ADAR: variants seen among roughly 807,000 people sequenced by gnomAD.
ADAR encodes double-stranded RNA-specific adenosine deaminase.
ADAR carries 41 observed loss-of-function variants against 113.2 expected under a neutral mutation model. The observed-to-expected ratio is 0.36, with a 90% confidence interval of 0.28 to 0.47. The LOEUF is 0.47. Among genes scored for constraint, ADAR ranks in the 20% least tolerant of loss-of-function variants. The pLI is 1.00. For missense variants in ADAR, 1,242 were observed against 1,540.9 expected, an observed-to-expected ratio of 0.81 and a Z score of 3.25; for synonymous variants, 605 against 572.6, an observed-to-expected ratio of 1.06 and a Z score of -0.81.
Position 154,598,572 on chromosome 1 carries a change from C to T in ADAR, c.1615G>A (p.Val539Ile). The change falls in exon 3 of 15, where the codon GTT (valine) becomes ATT (isoleucine). Residue 539 changes from valine (V) to isoleucine (I), a missense_variant. This residue lies in a region of ADAR where 780 missense variants were observed against 1,057.9 expected (regional missense o/e 0.74). Coordinates refer to ENST00000368474, the MANE Select transcript of ADAR (RefSeq NM_001111.5). ...PPHEPRFKFQ[V>I]VINGREFPPA... is the part of the protein sequence containing the mutation. ...GGAAACTCTCGGCCATTGATGACAA[C>T]CTGGAATTTAAATCTTGACGGAAAG... The T allele has an allele frequency of 1.2e-6, 2 of 1,614,186 alleles. No individual in the cohort carries two copies. The highest frequency in any genetic ancestry group is 1.6e-4 in the Middle Eastern group (1 of 6,062).
At chr1:154,585,933 G>A in intron 12 of ADAR, 68 bp from the exon 13 acceptor site, 2 of 1,434,118 alleles carry the variant, frequency 1.4e-6, no homozygotes, top group Non-Finnish European at 1.9e-6. Flanking sequence ...GCAGAAGCAT[G>A]TGGGGATTTT....
At chr1:154,624,187 A>G (rs567198798) in intron 1 of ADAR, among the ~76,000 whole-genome samples, 9 of 152,086 alleles carry the variant, frequency 5.9e-5, no homozygotes, top group African/African-American at 2.2e-4. Flanking sequence ...GGAGGAAAAA[A>G]CCTTTTTTTG....
chr1:154,596,174 C>G (rs1278779021), intron 6 of ADAR, among the ~76,000 whole-genome samples: 1 of 152,126 alleles, frequency 6.6e-6, no homozygotes, highest in Non-Finnish European at 1.5e-5. Context: ...ATATATGGGT[C>G]TAGGGAGGGA....
chr1:154,599,037 C>T (rs1470697561), intron 2 of ADAR, among the ~76,000 whole-genome samples: 1 of 152,218 alleles, frequency 6.6e-6, no homozygotes, highest in African/African-American at 2.4e-5. Flanking sequence ...CTCACACTCC[C>T]CACTACCTAG....
chr1:154,591,746 A>T (rs188241911), intron 6 of ADAR, among the ~76,000 whole-genome samples: 166 of 152,354 alleles, frequency 1.1e-3, no homozygotes, highest in South Asian at 4.1e-3. Context: ...CTCAGGCAGT[A>T]AAAGGAATCA....
In ADAR at chr1:154,586,302, G is replaced by T; in HGVS notation, c.3081C>A (p.Leu1027=). The change falls in exon 12 of 15, where the codon CTC becomes CTA. Residue 1027 remains leucine, a synonymous_variant. Transcript: ENST00000368474. The part of the protein sequence containing the change: ...DIVPTWDGIR[L]GERLRTMSCS... The stretch of plus-strand genomic sequence containing the variant: ...AGGACATGGTACGGAGTCTCTCCCC[G>T]AGCCGAATGCCATCCCACGTAGGCA... The T allele has an allele frequency of 1.9e-6, 3 of 1,614,154 alleles. No homozygotes were observed. Among genetic ancestry groups the T allele is most frequent in the Non-Finnish European group, 2.5e-6 (3 of 1,180,032 alleles).
At chr1:154,586,511 T>C (rs1696773614) in intron 11 of ADAR, 148 bp from the exon 12 acceptor site, 1 of 858,222 alleles carries the variant, frequency 1.2e-6, no homozygotes, top group Non-Finnish European at 1.9e-6. Flanking sequence ...CCAGGCACTA[T>C]GCTTGGTGCT....
chr1:154,621,222 A>T (rs924507761), intron 1 of ADAR, among the ~76,000 whole-genome samples: 2 of 152,196 alleles, frequency 1.3e-5, no homozygotes, highest in African/African-American at 4.8e-5. Context: ...TTCATCAAAT[A>T]TCTTATTAAA....
Position 154,602,276 on chromosome 1 carries a change from A to T in ADAR, c.366T>A (p.Gly122=). 1 of 1,613,928 alleles carries T rather than the reference A, an allele frequency of 6.2e-7. No homozygotes were observed. Among genetic ancestry groups the T allele is most frequent in the Non-Finnish European group, 8.5e-7 (1 of 1,179,954 alleles). Reference sequence around the variant, plus strand: ...GGAAATGTGAGGAAAGGCAATCAACACCTCTCTGTGGCAGACTCCTGCCAC... The same window carrying T: ...GGAAATGTGAGGAAAGGCAATCAACTCCTCTCTGTGGCAGACTCCTGCCAC... ...SPRGRSLPQR[G]VDCLSSHFQE... is the part of the protein sequence containing the mutation. Residue 122 remains glycine, a synonymous_variant, in exon 2 of 15, where the codon GGT becomes GGA. Coordinates refer to ENST00000368474, the MANE Select transcript of ADAR (RefSeq NM_001111.5).
At position 154,607,133 on chromosome 1, in the gene ADAR, G is replaced by C. The variant is rs190727504; in HGVS notation, c.15+859C>G. Among the ~76,000 whole-genome samples the C allele has an allele frequency of 3.4e-3, 523 of 151,732 alleles. 2 individuals carry two copies. Among genetic ancestry groups the C allele is most frequent in the African/African-American group, 0.012 (483 of 41,320 alleles). On this transcript the variant is annotated intron_variant, in intron 1 of 14. Coordinates refer to ENST00000368474, the MANE Select transcript of ADAR (RefSeq NM_001111.5). The stretch of plus-strand genomic sequence containing the variant: ...ATTTCTTCCACGATACCCAGTCCCT[G>C]GCACCCACGGATCCACTTTCCATCC...
chr1:154,613,646 T>C (rs983474108), intron 1 of ADAR, among the ~76,000 whole-genome samples: 4 of 152,218 alleles, frequency 2.6e-5, no homozygotes, highest in African/African-American at 9.6e-5. Context: ...GGCTCATGCC[T>C]GTAATCCCAG....
intron 1 of ADAR, among the ~76,000 whole-genome samples, chr1:154,607,014 G>A (rs1571127007): frequency 1.4e-5 from 2 of 145,610 alleles, no homozygotes; most frequent in African/African-American, 5.6e-5. Flanking sequence ...CCTTTTAAGT[G>A]TATAAATCTA....
In ADAR at chr1:154,601,448, AT is replaced by A; in HGVS notation, c.1193del (p.Asn398MetfsTer7). On this transcript the variant is annotated frameshift_variant, in exon 2 of 15. Transcript: ENST00000368474. LOFTEE classifies it high-confidence loss of function. This position sits in a 1 kb window ranked among gnomAD's most constrained non-coding sequence, Gnocchi z 4.7. Reference sequence around the variant, plus strand: ...CTGTGGTTACCATGTTATTTGAGGCATTTGATGTGGGTATATTACAGGTGAG... The same window carrying A: ...CTGTGGTTACCATGTTATTTGAGGCATTGATGTGGGTATATTACAGGTGAG... The part of the protein sequence containing the change: ...EFLTCNIPTS[N>X]ASNNMVTTEK... The A allele has an allele frequency of 6.2e-7, 1 of 1,614,166 alleles. No individual in the cohort carries two copies.
rs5777923 is a variant in ADAR at position 154,606,947 on chromosome 1, A to AATATAT, written c.15+1039_15+1044dup. 6.6e-3 allele frequency among the ~76,000 whole-genome samples: 974 copies of AATATAT among 148,502 alleles called. 2 individuals carry two copies. The highest frequency in any genetic ancestry group is 8.2e-3 in the Non-Finnish European group (555 of 67,392). Reference sequence around the variant, plus strand: ...TCAAAGGAGTGCTTAAAAAAAAAAAAATATATATATATCTTAACAAAATTG... The same window carrying AATATAT: ...TCAAAGGAGTGCTTAAAAAAAAAAAAATATATATATATATATATCTTAACAAAATTG... On this transcript the variant is annotated intron_variant, in intron 1 of 14. Coordinates refer to ENST00000368474, the MANE Select transcript of ADAR (RefSeq NM_001111.5).
chr1:154,592,771 T>C (rs1173588723), intron 6 of ADAR, among the ~76,000 whole-genome samples: 1 of 151,732 alleles, frequency 6.6e-6, no homozygotes, highest in Non-Finnish European at 1.5e-5. Flanking sequence ...GGGATGTTAA[T>C]CCAAACAGAG....
intron 9 of ADAR, 132 bp downstream of exon 9, chr1:154,589,237 C>T (rs1235126217): frequency 4.0e-6 from 3 of 754,752 alleles, no homozygotes; most frequent in Non-Finnish European, 7.0e-6. Flanking sequence ...GGGTGAAAAG[C>T]AAAGGCTGCC....
chr1:154,597,862 G>A lies in ADAR; in HGVS notation c.1900C>T (p.Leu634Phe), dbSNP rs1697605471. The A allele has an allele frequency of 6.2e-7, 1 of 1,614,188 alleles. No homozygotes were observed. The highest frequency in any genetic ancestry group is 1.3e-5 in the African/African-American group (1 of 75,044). ...HKLGNSCEFR[L>F]LSKEGPAHEP... ...TGGGCAGGGCCTTCTTTGGACAGGAGACGGAATTCGCAGGAGTTCCCCAAT... is the reference window on the plus strand; with the variant it reads ...TGGGCAGGGCCTTCTTTGGACAGGAAACGGAATTCGCAGGAGTTCCCCAAT... The change falls in exon 4 of 15, where the codon CTC becomes TTC. Residue 634 changes from leucine (L) to phenylalanine (F), a missense_variant. Physicochemically the swap from Leu to Phe is conservative, Grantham distance 22 (BLOSUM62 0). Around this residue, in one of 2 missense-constraint regions of ADAR, gnomAD observed 780 missense variants for 1,057.9 expected, o/e 0.74. Transcript: ENST00000368474.
At chr1:154,586,037 A>C in intron 12 of ADAR, 144 bp downstream of exon 12, 1 of 1,237,776 alleles carries the variant, frequency 8.1e-7, no homozygotes, top group East Asian at 2.5e-5. Flanking sequence ...CTACCACAGC[A>C]GACTGGACAC....
At position 154,601,491 on chromosome 1, in the gene ADAR, T is replaced by C. The variant is rs2229857; in HGVS notation, c.1151A>G (p.Lys384Arg). The change falls in exon 2 of 15, where the codon AAA becomes AGA. Residue 384 changes from lysine to arginine, a missense_variant. By Grantham distance (26) the Lys-to-Arg change is conservative (BLOSUM62 2). Coordinates refer to ENST00000368474, the MANE Select transcript of ADAR (RefSeq NM_001111.5). The surrounding 1 kb of genome is among the most constrained non-coding windows in gnomAD (Gnocchi z 4.7). Reference sequence around the variant, plus strand: ...ACAGGTGAGGAACTCTGCGTTTCTTTTGGTCTCAGGGATTGCAGCTGGAGC... The same window carrying C: ...ACAGGTGAGGAACTCTGCGTTTCTTCTGGTCTCAGGGATTGCAGCTGGAGC... Reference protein sequence around the residue: ...ETAPAAIPETKRNAEFLTCNI... With the variant: ...ETAPAAIPETRRNAEFLTCNI... The C allele has an allele frequency of 0.69, 1,116,393 of 1,613,916 alleles. 390,071 individuals carry two copies. Among genetic ancestry groups the C allele is most frequent in the Admixed American group, 0.79 (47,209 of 60,014 alleles).
Sources: allele counts gnomAD v4.1 joint callset (sites outside exome capture counted in the v4.1 genomes callset), GRCh38; gene constraint gnomAD v4.1.1; regional missense constraint gnomAD v4.1.1; non-coding constraint Gnocchi (gnomAD v3.1); transcripts MANE v1.5; gene names NCBI Gene and HGNC (gene_info 2026-07-23, HGNC 2026-07-21).